Variants in MARCHF1 observed in about 807,000 individuals in gnomAD.
MARCHF1 encodes the protein membrane associated ring-CH-type finger 1, also known as E3 ubiquitin-protein ligase MARCHF1.
Under a neutral mutation model 54.2 loss-of-function variants are expected in MARCHF1, and 40 were observed. The ratio of observed to expected loss-of-function variants is 0.74; its 90% confidence interval spans 0.57 to 0.96. MARCHF1 has a LOEUF of 0.96. MARCHF1 is among the 40% of genes least tolerant of loss of function. The probability of loss-of-function intolerance (pLI) is 0.00; values close to 1 mark genes in which losing one functional copy is unlikely to be tolerated. For synonymous variants in MARCHF1, 236 were observed against 236.3 expected (o/e 1.00, Z 0.01); for missense variants, 586 against 656.5 (o/e 0.89, Z 1.17).
chr4:164,095,821 C>T (rs1422251993), intron 2 of MARCHF1, among the ~76,000 whole-genome samples: 1 of 152,028 alleles, frequency 6.6e-6, no homozygotes, highest in Non-Finnish European at 1.5e-5. Context: ...CAAAAATAAT[C>T]AGTATCACTA....
chr4:163,811,262 T>TTGTTTAGTGGCACTAAACAA (rs1430127127), intron 4 of MARCHF1, among the ~76,000 whole-genome samples: 9 of 51,958 alleles, frequency 1.7e-4, no homozygotes, highest in African/African-American at 3.4e-4. Flanking sequence ...GCACTAAACA[T>TTGTTTAGTGGCACTAAACAA]TGTTTAGTGG....
Position 163,582,025 on chromosome 4 carries a change from T to C in MARCHF1, c.1191+3724A>G, listed in dbSNP as rs143010274. On this transcript the variant is annotated intron_variant, in intron 8 of 9. Transcript: ENST00000514618. ...AGGGGAGATAGATAGTTGTCAGTAG[T>C]ATTTGCTATCCTCATAAACTTGGTT... is the stretch of plus-strand genomic sequence containing the variant. Among the ~76,000 whole-genome samples, 763 of 152,330 alleles carry C rather than the reference T, an allele frequency of 5.0e-3. 5 individuals are homozygous for C. Among genetic ancestry groups the C allele is most frequent in the Non-Finnish European group, 8.6e-3 (584 of 68,028 alleles).
At chr4:164,358,676 G>T (rs534566391) in intron 1 of MARCHF1, among the ~76,000 whole-genome samples, 2 of 152,196 alleles carry the variant, frequency 1.3e-5, no homozygotes, top group South Asian at 2.1e-4. Context: ...AAAGAAGGAA[G>T]TCAGTGAATA....
At chr4:163,580,802 T>TGATGTTTAAAGAGAGAATGTC (rs1339344589) in intron 8 of MARCHF1, among the ~76,000 whole-genome samples, 2 of 121,244 alleles carry the variant, frequency 1.6e-5, no homozygotes, top group African/African-American at 3.1e-5. Context: ...ATTAAAGTTT[T>TGATGTTTAAAGAGAGAATGTC]TTTTTTTTTT....
chr4:163,633,846 G>A (rs940916833), intron 5 of MARCHF1, among the ~76,000 whole-genome samples: 16 of 152,154 alleles, frequency 1.1e-4, no homozygotes, highest in Non-Finnish European at 2.4e-4. Context: ...CAGCCAGAGA[G>A]AAAGGTCGGG....
chr4:164,025,521 T>A (rs185209421), intron 2 of MARCHF1, among the ~76,000 whole-genome samples: 1 of 151,964 alleles, frequency 6.6e-6, no homozygotes, highest in African/African-American at 2.4e-5. Flanking sequence ...GGCCAAAAAA[T>A]TATTAGAAAT....
chr4:164,284,320 GAGAGAGAGAGAGAC>G lies in MARCHF1; in HGVS notation c.-323+99536_-323+99549del, dbSNP rs565041699. Among the ~76,000 whole-genome samples, 610 of 134,158 alleles carry G rather than the reference GAGAGAGAGAGAGAC, an allele frequency of 4.5e-3. 17 individuals carry two copies. Among genetic ancestry groups the G allele is most frequent in the African/African-American group, 0.017 (538 of 30,746 alleles). 88.0% of individuals were successfully genotyped at this position (134,158 alleles called of 152,430 possible). A position where few individuals can be genotyped will look rare whatever the true frequency, so the allele number is the denominator to read the frequency against. ...ATGCAGTCCTTAAGCTAAAGAAAGTGAGAGAGAGAGAGACAGAGAGAGAGAGAGAGAGAGAGAGA... is the reference window on the plus strand; with the variant it reads ...ATGCAGTCCTTAAGCTAAAGAAAGTGAGAGAGAGAGAGAGAGAGAGAGAGA... On this transcript the variant is annotated intron_variant, in intron 1 of 9. Coordinates refer to ENST00000514618, the MANE Select transcript of MARCHF1 (RefSeq NM_001394959.1).
intron 4 of MARCHF1, among the ~76,000 whole-genome samples, chr4:163,726,128 CATT>C (rs2111309046): frequency 6.6e-6 from 1 of 152,282 alleles, no homozygotes; most frequent in South Asian, 2.1e-4. Context: ...ACTGACACAT[CATT>C]ATCACCCAAA....
chr4:164,358,658 C>T lies in MARCHF1; in HGVS notation c.-323+25212G>A, dbSNP rs184519276. On this transcript the variant is annotated intron_variant, in intron 1 of 9. Coordinates refer to ENST00000514618, the MANE Select transcript of MARCHF1 (RefSeq NM_001394959.1). ...CTTCAGTAGTTTATCATTTAAGTAG[C>T]TATCTTTAAAGAAGGAAGTCAGTGA... 3.2e-3 allele frequency among the ~76,000 whole-genome samples: 485 copies of T among 152,146 alleles called. 6 individuals carry two copies. Among genetic ancestry groups the T allele is most frequent in the Non-Finnish European group, 4.0e-3 (270 of 67,986 alleles).
Position 164,319,696 on chromosome 4 carries a change from T to C in MARCHF1, c.-323+64174A>G, listed in dbSNP as rs1275330946. On this transcript the variant is annotated intron_variant, in intron 1 of 9. Coordinates refer to ENST00000514618, the MANE Select transcript of MARCHF1 (RefSeq NM_001394959.1). ...AATTTATTTAGTCGGTTCAGTTTAA[T>C]TTAGTTCAGATAATCAGATAGATCC... Among the ~76,000 whole-genome samples the C allele has an allele frequency of 2.0e-5, 3 of 152,304 alleles. No individual in the cohort carries two copies. The East Asian group carries it at 5.8e-4, about 29-fold the overall frequency.
chr4:164,377,387 T>C (rs1344620083), intron 1 of MARCHF1, among the ~76,000 whole-genome samples: 4 of 152,238 alleles, frequency 2.6e-5, no homozygotes, highest in African/African-American at 9.6e-5. Flanking sequence ...TTGTTAACAC[T>C]ATTGTATGTA....
intron 1 of MARCHF1, among the ~76,000 whole-genome samples, chr4:164,207,987 A>C (rs1026581761): frequency 3.9e-5 from 6 of 152,268 alleles, no homozygotes; most frequent in Non-Finnish European, 7.4e-5. Flanking sequence ...TTGAAAAAAA[A>C]CCAAAAAACC....
chr4:163,536,595 C>T (rs976334599), intron 9 of MARCHF1, among the ~76,000 whole-genome samples: 5 of 152,236 alleles, frequency 3.3e-5, no homozygotes, highest in East Asian at 1.9e-4. Context: ...GTTCCTTGCT[C>T]AGTAGGTATT....
intron 1 of MARCHF1, among the ~76,000 whole-genome samples, chr4:164,272,148 A>G (rs1484037376): frequency 1.3e-5 from 2 of 152,064 alleles, no homozygotes; most frequent in Admixed American, 6.6e-5. Flanking sequence ...GACGGGAAGT[A>G]ACAGAAAATC....
intron 1 of MARCHF1, among the ~76,000 whole-genome samples, chr4:164,160,326 G>A (rs543983489): frequency 1.5e-4 from 23 of 152,088 alleles, no homozygotes; most frequent in Non-Finnish European, 2.5e-4. Context: ...TTACAAACCT[G>A]TATAGCATGT....
Position 163,568,865 on chromosome 4 carries a change from T to G in MARCHF1, c.1191+16884A>C, listed in dbSNP as rs76397999. 2.7e-3 allele frequency among the ~76,000 whole-genome samples: 414 copies of G among 152,186 alleles called. 3 individuals carry two copies. The highest frequency in any genetic ancestry group is 4.2e-3 in the Non-Finnish European group (288 of 67,984). ...TGAGGCTAAGAATCCCACAATGAAC[T>G]GCAAACAGAAGCCACAGTTGTTCAA... On this transcript the variant is annotated intron_variant, in intron 8 of 9. Coordinates refer to ENST00000514618, the MANE Select transcript of MARCHF1 (RefSeq NM_001394959.1).
intron 4 of MARCHF1, among the ~76,000 whole-genome samples, chr4:163,835,100 C>G (rs1458645487): frequency 2.0e-5 from 3 of 152,034 alleles, no homozygotes; most frequent in Non-Finnish European, 4.4e-5. Flanking sequence ...CCAGGCTGAT[C>G]TCAAATTTTT....
chr4:164,124,844 C>T (rs1167994478), intron 1 of MARCHF1, among the ~76,000 whole-genome samples: 1 of 151,874 alleles, frequency 6.6e-6, no homozygotes, highest in Admixed American at 6.6e-5. Flanking sequence ...AGAATATATA[C>T]AAAGAATGAA....
Position 164,047,968 on chromosome 4 carries a change from G to C in MARCHF1, c.-247-59259C>G, listed in dbSNP as rs143009849. On this transcript the variant is annotated intron_variant, in intron 2 of 9. Transcript: ENST00000514618. ...TGTAACCAACATTTTTCCCAGAGCA[G>C]CATTAGCATATTCAAAATTCTCTCA... 2.3e-3 allele frequency among the ~76,000 whole-genome samples: 354 copies of C among 152,168 alleles called. 4 individuals carry two copies. Among genetic ancestry groups the C allele is most frequent in the African/African-American group, 8.2e-3 (342 of 41,534 alleles).
Sources: allele counts gnomAD v4.1 joint callset (sites outside exome capture counted in the v4.1 genomes callset), GRCh38; gene constraint gnomAD v4.1.1; transcripts MANE v1.5; gene names NCBI Gene and HGNC (gene_info 2026-07-23, HGNC 2026-07-21).